The following RABGEF1 variants were observed in gnomAD, a reference collection of about 807,000 sequenced individuals.
RABGEF1 encodes the protein rab5 GDP/GTP exchange factor.
Under a neutral mutation model 57.3 loss-of-function variants are expected in RABGEF1, and 26 were observed. The observed-to-expected ratio is 0.45, with a 90% CI of 0.33 to 0.63. RABGEF1 has a LOEUF of 0.63. Ranked by LOEUF, RABGEF1 falls within the 20% of genes least tolerant of loss-of-function variation. The probability of loss-of-function intolerance (pLI) is 0.02; values close to 1 mark genes in which losing one functional copy is unlikely to be tolerated. For missense variants in RABGEF1, 464 were observed against 607.6 expected (o/e 0.76, Z 2.48); for synonymous variants, 185 against 210.7 (o/e 0.88, Z 1.06).
chr7:66,722,301 G>A (rs571051228), intron 2 of RABGEF1, among the ~76,000 whole-genome samples: 43 of 152,152 alleles, frequency 2.8e-4, no homozygotes, highest in Non-Finnish European at 4.3e-4. Flanking sequence ...TTAGCCAGGC[G>A]TGGTGGTGCG....
intron 2 of RABGEF1, among the ~76,000 whole-genome samples, chr7:66,729,113 G>T (rs1483294392): frequency 6.6e-6 from 1 of 151,866 alleles, no homozygotes; most frequent in South Asian, 2.1e-4. Flanking sequence ...ACCATGCCTG[G>T]CTAATTTTTT....
chr7:66,656,820 C>CAAAAAAAAAAAAAAAAAAAAAAACAAAAA, the RABGEF1 span, among the ~76,000 whole-genome samples: 1 of 73,860 alleles, frequency 1.4e-5, no homozygotes. Flanking sequence ...AACTGCATCT[C>CAAAAAAAAAAAAAAAAAAAAAAACAAAAA]AAAAAAAAAA....
intron 3 of RABGEF1, among the ~76,000 whole-genome samples, chr7:66,780,043 G>T (rs539860024): frequency 2.0e-5 from 3 of 151,994 alleles, no homozygotes; most frequent in East Asian, 1.9e-4. Flanking sequence ...TTTTAAAAGG[G>T]TTTTTTTTGT....
chr7:66,706,778 GT>G (rs199965735), intron 1 of RABGEF1, among the ~76,000 whole-genome samples: 15,633 of 120,664 alleles, frequency 0.13, 929 homozygotes, highest in East Asian at 0.22. Context: ...TGACATACTG[GT>G]TTTTTTTTTT....
At chr7:66,665,590 C>T in the RABGEF1 span, among the ~76,000 whole-genome samples, 1 of 152,108 alleles carries the variant, frequency 6.6e-6, no homozygotes, top group African/African-American at 2.4e-5. Flanking sequence ...TGACCCTGGG[C>T]GAGTCAGTTC....
intron 1 of RABGEF1, among the ~76,000 whole-genome samples, chr7:66,684,436 T>G (rs1236187404): frequency 6.6e-6 from 1 of 151,960 alleles, no homozygotes; most frequent in African/African-American, 2.4e-5. Context: ...GTGCAAGACT[T>G]CGTCTCAAAC....
intron 2 of RABGEF1, among the ~76,000 whole-genome samples, chr7:66,717,521 G>A (rs895282641): frequency 2.0e-5 from 3 of 152,054 alleles, no homozygotes; most frequent in Non-Finnish European, 4.4e-5. Context: ...ACTTTGGGAG[G>A]CCGAGGCAGT....
chr7:66,799,305 C>T lies in RABGEF1; in HGVS notation c.729-18C>T, dbSNP rs1247721424. On this transcript the variant is annotated intron_variant, in intron 6 of 8. Transcript: ENST00000284957. ...AGTTTATCCTTGGAGCTCTTGTTTA[C>T]TGTCTCTCTCTCTTTAGAGCCCTGC... is the stretch of plus-strand genomic sequence containing the variant. 6.4e-7 allele frequency: 1 copy of T among 1,563,710 alleles called. No individual in the cohort carries two copies. Among genetic ancestry groups the T allele is most frequent in the Non-Finnish European group, 8.8e-7 (1 of 1,135,570 alleles).
chr7:66,685,195 G>A (rs770818373), intron 1 of RABGEF1, among the ~76,000 whole-genome samples: 24 of 127,092 alleles, frequency 1.9e-4, no homozygotes, highest in Admixed American at 7.1e-4. Context: ...TTGCTCTGTC[G>A]CTGGGCTAGA....
chr7:66,806,499 C>G (rs1584299414), intron 8 of RABGEF1, among the ~76,000 whole-genome samples: 1 of 152,086 alleles, frequency 6.6e-6, no homozygotes, highest in South Asian at 2.1e-4. Context: ...GGTGGAGGGA[C>G]TTGGTGCTCT....
chr7:66,686,264 A>C (rs1790611706), intron 1 of RABGEF1, among the ~76,000 whole-genome samples: 1 of 151,546 alleles, frequency 6.6e-6, no homozygotes, highest in Non-Finnish European at 1.5e-5. Context: ...CTGGGCAACA[A>C]AGTGAGACTC....
At chr7:66,758,511 G>GCA (rs1405406947) in intron 1 of RABGEF1, among the ~76,000 whole-genome samples, 10 of 152,226 alleles carry the variant, frequency 6.6e-5, no homozygotes, top group Non-Finnish European at 1.2e-4. Context: ...CAGGAGCGAT[G>GCA]TGTGGCCCCT....
At chr7:66,795,330 A>G (rs1584204758) in intron 4 of RABGEF1, among the ~76,000 whole-genome samples, 181 bp from the exon 5 acceptor site, 3 of 152,332 alleles carry the variant, frequency 2.0e-5, no homozygotes, top group East Asian at 1.9e-4. Flanking sequence ...TCCGGCAACA[A>G]TGGATATTGG....
intron 3 of RABGEF1, among the ~76,000 whole-genome samples, chr7:66,779,457 T>A (rs139702192): frequency 4.7e-4 from 71 of 151,764 alleles, no homozygotes; most frequent in African/African-American, 1.7e-3. Context: ...TGAGCCAAGA[T>A]CGTGCCATTG....
intron 1 of RABGEF1, among the ~76,000 whole-genome samples, chr7:66,710,309 T>C (rs1451824004): frequency 4.6e-5 from 7 of 152,246 alleles, no homozygotes; most frequent in Non-Finnish European, 1.0e-4. Context: ...GGTTGTTTTT[T>C]AGCGTTTAGC....
intron 4 of RABGEF1, among the ~76,000 whole-genome samples, chr7:66,795,055 C>T (rs145756364): frequency 1.3e-3 from 197 of 152,238 alleles, no homozygotes; most frequent in Admixed American, 2.2e-3. Context: ...GCCTGCCCAC[C>T]GGGGTGGAGT....
chr7:66,753,013 G>A (rs906957836), intron 1 of RABGEF1, among the ~76,000 whole-genome samples: 5 of 152,146 alleles, frequency 3.3e-5, no homozygotes, highest in Admixed American at 2.6e-4. Flanking sequence ...AAGAGCATGG[G>A]GTGGACATGT....
chr7:66,760,593 G>A (rs1203480348), intron 1 of RABGEF1, among the ~76,000 whole-genome samples: 1 of 151,998 alleles, frequency 6.6e-6, no homozygotes, highest in Non-Finnish European at 1.5e-5. Flanking sequence ...ACAGGTGCAT[G>A]CCATCATGCC....
At chr7:66,768,221 G>A (rs1026377398) in intron 1 of RABGEF1, among the ~76,000 whole-genome samples, 1 of 152,200 alleles carries the variant, frequency 6.6e-6, no homozygotes, top group Non-Finnish European at 1.5e-5. Context: ...GTCTTCTGCT[G>A]TGGAAGGAGC....
Sources: gnomAD v4.1 joint callset for allele counts (sites outside exome capture counted in the v4.1 genomes callset) on GRCh38, gnomAD v4.1.1 for gene constraint, MANE v1.5 for transcripts, NCBI Gene and HGNC (gene_info 2026-07-23, HGNC 2026-07-21) for gene names.